The following TNS1 variants were observed in gnomAD, a reference collection of about 807,000 sequenced individuals.
TNS1 encodes tensin 1.
Under a neutral mutation model 168.6 loss-of-function variants are expected in TNS1, and 62 were observed. That is an observed-to-expected ratio of 0.37 (90% CI 0.30 to 0.45). The LOEUF is 0.45. Ranked by LOEUF, TNS1 falls within the 20% of genes least tolerant of loss-of-function variation. The pLI is 1.00. For synonymous variants in TNS1, 934 were observed against 933.2 expected (o/e 1.00, Z -0.02); for missense variants, 2,240 against 2,339.4 (o/e 0.96, Z 0.88).
At chr2:217,823,696 T>C (rs1275095171) in intron 22 of TNS1, among the ~76,000 whole-genome samples, 1 of 152,144 alleles carries the variant, frequency 6.6e-6, no homozygotes, top group Non-Finnish European at 1.5e-5. Context: ...TTTGTCCCCA[T>C]ACAGAACCCC....
intron 1 of TNS1, among the ~76,000 whole-genome samples, chr2:218,002,163 C>T (rs894462987): frequency 6.6e-6 from 1 of 152,158 alleles, no homozygotes; most frequent in Non-Finnish European, 1.5e-5. Context: ...CCAGGCCTCT[C>T]TGCTGGCCCC....
Position 217,944,616 on chromosome 2 carries a change from T to C in TNS1, c.187-24380A>G, listed in dbSNP as rs145578292. 2.0e-5 allele frequency among the ~76,000 whole-genome samples: 3 copies of C among 152,374 alleles called. No homozygotes were observed. In the East Asian group the frequency reaches 5.8e-4, roughly 29 times the overall value. On this transcript the variant is annotated intron_variant, in intron 3 of 32. Coordinates refer to ENST00000682258, the MANE Select transcript of TNS1 (RefSeq NM_001387777.1). ...TTCTTAGCTGTCAAATGTGAGATAG[T>C]AATCTCTGCTGTTTTCTCTGGGCTG...
At chr2:217,928,976 C>T (rs1956176179) in intron 3 of TNS1, among the ~76,000 whole-genome samples, 1 of 152,208 alleles carries the variant, frequency 6.6e-6, no homozygotes, top group Non-Finnish European at 1.5e-5. Flanking sequence ...AAGGGCCACT[C>T]AACAACCAGA....
In TNS1 at chr2:217,808,585, T is replaced by A; in HGVS notation, c.5342+18A>T. On this transcript the variant is annotated intron_variant, in intron 31 of 32. Coordinates refer to ENST00000682258, the MANE Select transcript of TNS1 (RefSeq NM_001387777.1). The stretch of plus-strand genomic sequence containing the variant: ...TTAGAAAGCTGTGTGGGAGAGAAGC[T>A]GTGTACAAGAGACTTACTTTCTTTC... The A allele has an allele frequency of 6.2e-7, 1 of 1,613,022 alleles. No individual in the cohort carries two copies. Among genetic ancestry groups the A allele is most frequent in the African/African-American group, 1.3e-5 (1 of 75,004 alleles).
chr2:217,871,913 G>A (rs1949808857), intron 18 of TNS1, among the ~76,000 whole-genome samples: 1 of 152,248 alleles, frequency 6.6e-6, no homozygotes, highest in Non-Finnish European at 1.5e-5. Flanking sequence ...TTCTAAAGCT[G>A]GAAAGAGATC....
chr2:217,990,803 T>A, intron 2 of TNS1, 139 bp downstream of exon 2: 20 of 188,318 alleles, frequency 1.1e-4, no homozygotes, highest in Middle Eastern at 2.1e-3. Context: ...GAGCTCAGCA[T>A]CCTCCACCAG....
Position 217,818,515 on chromosome 2 carries a change from C to T in TNS1, c.3817G>A (p.Ala1273Thr). The change falls in exon 24 of 33, where the codon GCT becomes ACT. Residue 1273 changes from alanine (A) to threonine (T), a missense_variant. Physicochemically the swap from Ala to Thr is moderately conservative, Grantham distance 58 (BLOSUM62 0). Transcript: ENST00000682258. The stretch of plus-strand genomic sequence containing the variant: ...CTCCCAGGCACCGTGTGGACGCCAG[C>T]CACACTGAACTGAGCTCGAGCCTGG... ...ESQARAQFSV[A>T]GVHTVPGSPQ... The T allele has an allele frequency of 6.2e-7, 1 of 1,614,244 alleles. No individual in the cohort carries two copies. The highest frequency in any genetic ancestry group is 8.5e-7 in the Non-Finnish European group (1 of 1,180,046).
chr2:218,009,912 G>C (rs1958690605), intron 1 of TNS1, among the ~76,000 whole-genome samples: 1 of 152,274 alleles, frequency 6.6e-6, no homozygotes, highest in South Asian at 2.1e-4. Context: ...CCAGCAACCT[G>C]GGTGGCGACT....
chr2:217,884,822 T>A (rs1951038103), intron 16 of TNS1, among the ~76,000 whole-genome samples: 1 of 151,090 alleles, frequency 6.6e-6, no homozygotes, highest in Non-Finnish European at 1.5e-5. Flanking sequence ...CTGGGAGGAG[T>A]TTATCTCCAC....
upstream of TNS1, chr2:218,010,441 C>T (rs1958695846): frequency 2.7e-6 from 1 of 370,012 alleles, no homozygotes; most frequent in African/African-American, 2.1e-5. Flanking sequence ...GGAACCCCCA[C>T]GGGGCGCGGG....
intron 22 of TNS1, chr2:217,830,353 C>CACT: frequency 6.2e-7 from 1 of 1,614,122 alleles, no homozygotes; most frequent in Non-Finnish European, 8.5e-7. Context: ...AAATGCATGC[C>CACT]ACTGCCCACC....
At chr2:217,952,102 C>T (rs896402563) in intron 3 of TNS1, among the ~76,000 whole-genome samples, 1 of 152,218 alleles carries the variant, frequency 6.6e-6, no homozygotes, top group Non-Finnish European at 1.5e-5. Flanking sequence ...CAACACAAAT[C>T]GTGCTGAGTG....
At chr2:217,876,781 G>A (rs1218777420) in intron 18 of TNS1, among the ~76,000 whole-genome samples, 2 of 152,114 alleles carry the variant, frequency 1.3e-5, no homozygotes, top group African/African-American at 4.8e-5. Flanking sequence ...GGGGGAAGAT[G>A]ATGTGAAGAT....
intron 19 of TNS1, among the ~76,000 whole-genome samples, chr2:217,838,041 T>C (rs1945404010): frequency 6.6e-6 from 1 of 152,188 alleles, no homozygotes; most frequent in Non-Finnish European, 1.5e-5. Context: ...TTTCTAACAA[T>C]AATTGTGACA....
intron 23 of TNS1, among the ~76,000 whole-genome samples, chr2:217,820,840 TG>T (rs1559167516): frequency 2.0e-5 from 3 of 152,130 alleles, no homozygotes; most frequent in African/African-American, 7.2e-5. Flanking sequence ...CACCCACCTC[TG>T]GGCTTTCATC....
intron 1 of TNS1, among the ~76,000 whole-genome samples, chr2:218,025,730 G>A (rs1440646574): frequency 6.6e-6 from 1 of 151,876 alleles, no homozygotes; most frequent in African/African-American, 2.4e-5. Flanking sequence ...AGATTGGAAT[G>A]CAATGGTGCA....
intron 3 of TNS1, among the ~76,000 whole-genome samples, chr2:217,972,203 G>A (rs1256036517): frequency 2.0e-5 from 3 of 152,216 alleles, no homozygotes; most frequent in African/African-American, 7.2e-5. Flanking sequence ...CTGGGGCTCA[G>A]AGAGGTTCAG....
At position 217,986,128 on chromosome 2, in the gene TNS1, T is replaced by C. The variant is rs535387063; in HGVS notation, c.148+4814A>G. On this transcript the variant is annotated intron_variant, in intron 2 of 32. Transcript: ENST00000682258. The surrounding 1 kb of genome is among the most constrained non-coding windows in gnomAD (Gnocchi z 4.7). ...CCTGGGGTCACACAGCCAGGTTGTA[T>C]TAATAGCAAGCTAGGGCTAGAAACC... Among the ~76,000 whole-genome samples the C allele has an allele frequency of 1.3e-5, 2 of 152,312 alleles. No homozygotes were observed. The highest frequency in any genetic ancestry group is 3.9e-4 in the East Asian group (2 of 5,182).
intron 3 of TNS1, among the ~76,000 whole-genome samples, chr2:217,923,750 GA>G (rs540663806): frequency 3.7e-4 from 56 of 152,312 alleles, no homozygotes; most frequent in Middle Eastern, 3.4e-3. Context: ...CACAGATGAA[GA>G]AACTAAGGCA....
Sources: gnomAD v4.1 joint callset for allele counts (sites outside exome capture counted in the v4.1 genomes callset) on GRCh38, gnomAD v4.1.1 for gene constraint, Gnocchi (gnomAD v3.1) non-coding constraint, MANE v1.5 for transcripts, NCBI Gene and HGNC (gene_info 2026-07-23, HGNC 2026-07-21) for gene names.